SIPA1L2: variants seen among roughly 807,000 people sequenced by gnomAD.
The protein encoded by SIPA1L2 is signal-induced proliferation-associated 1-like protein 2.
Under a neutral mutation model 163.9 loss-of-function variants are expected in SIPA1L2, and 56 were observed. The observed-to-expected ratio is 0.34, with a 90% CI of 0.28 to 0.43. SIPA1L2 has a LOEUF of 0.43. Ranked by LOEUF, SIPA1L2 falls within the 20% of genes least tolerant of loss-of-function variation. SIPA1L2 has a pLI of 1.00. For missense variants in SIPA1L2, 1,974 were observed against 2,193.5 expected, an observed-to-expected ratio of 0.90 and a Z score of 2.00; for synonymous variants, 877 against 865.7, an observed-to-expected ratio of 1.01 and a Z score of -0.23.
At chr1:232,412,307 A>G (rs1218257251) in intron 19 of SIPA1L2, among the ~76,000 whole-genome samples, 2 of 152,218 alleles carry the variant, frequency 1.3e-5, no homozygotes, top group Non-Finnish European at 2.9e-5. Flanking sequence ...ATCTCAATCC[A>G]ATAGGCAGGT....
At chr1:232,554,153 T>A (rs1202929683) in intron 2 of SIPA1L2, among the ~76,000 whole-genome samples, 1 of 152,256 alleles carries the variant, frequency 6.6e-6, no homozygotes, top group Non-Finnish European at 1.5e-5. Context: ...CATTTGGTTT[T>A]AAATTTCTAT....
At chr1:232,466,616 C>T (rs772411583) in intron 8 of SIPA1L2, among the ~76,000 whole-genome samples, 10 of 151,998 alleles carry the variant, frequency 6.6e-5, no homozygotes, top group Non-Finnish European at 1.0e-4. Flanking sequence ...CGGTGAAACC[C>T]CGTCTCTATT....
chr1:232,534,126 C>T (rs1048275817), intron 2 of SIPA1L2, among the ~76,000 whole-genome samples: 2 of 151,950 alleles, frequency 1.3e-5, no homozygotes, highest in African/African-American at 4.8e-5. Flanking sequence ...CTCACATTTT[C>T]TGAATATAAA....
intron 11 of SIPA1L2, among the ~76,000 whole-genome samples, chr1:232,444,937 T>A (rs2102871651): frequency 6.6e-6 from 1 of 152,352 alleles, no homozygotes; most frequent in South Asian, 2.1e-4. Flanking sequence ...AAGAAATTTA[T>A]TATTTTGTTT....
chr1:232,454,127 A>G (rs997106505), intron 10 of SIPA1L2, among the ~76,000 whole-genome samples: 10 of 152,222 alleles, frequency 6.6e-5, no homozygotes, highest in African/African-American at 2.4e-4. Context: ...TGTAAAGGTT[A>G]GGGCAGTGGC....
At chr1:232,587,332 G>A (rs10910562) in intron 1 of SIPA1L2, among the ~76,000 whole-genome samples, 77,186 of 151,858 alleles carry the variant, frequency 0.51, 20,448 homozygotes, top group East Asian at 0.75. Flanking sequence ...ATCACCACAC[G>A]TATGAGGTAT....
At chr1:232,459,401 G>T (rs1368716847) in intron 10 of SIPA1L2, among the ~76,000 whole-genome samples, 1 of 152,132 alleles carries the variant, frequency 6.6e-6, no homozygotes, top group Non-Finnish European at 1.5e-5. Flanking sequence ...AAAGGAGAGA[G>T]TATGACCTAG....
intron 2 of SIPA1L2, among the ~76,000 whole-genome samples, chr1:232,517,241 T>C (rs1259786615): frequency 1.3e-5 from 2 of 152,182 alleles, no homozygotes; most frequent in Admixed American, 6.5e-5. Context: ...ATAAATGCCA[T>C]CCAAATAATG....
chr1:232,455,714 C>CA (rs1359853284), intron 10 of SIPA1L2, among the ~76,000 whole-genome samples: 5,239 of 82,586 alleles, frequency 0.063, 184 homozygotes, highest in Middle Eastern at 0.089. Flanking sequence ...GACTCTGTCT[C>CA]AAAAAAAAAA....
At chr1:232,624,902 A>C (rs1662995857) in intron 1 of SIPA1L2, among the ~76,000 whole-genome samples, 1 of 152,240 alleles carries the variant, frequency 6.6e-6, no homozygotes, top group Non-Finnish European at 1.5e-5. Context: ...AAATAAGCTG[A>C]AGAAAGTCCA....
At chr1:232,598,522 GT>G (rs1661405919) in intron 1 of SIPA1L2, among the ~76,000 whole-genome samples, 1 of 152,202 alleles carries the variant, frequency 6.6e-6, no homozygotes, top group African/African-American at 2.4e-5. Flanking sequence ...GTCTTAGCCT[GT>G]TCAAGCTGCT....
At chr1:232,481,115 G>A (rs536018940) in intron 6 of SIPA1L2, among the ~76,000 whole-genome samples, 28 of 151,800 alleles carry the variant, frequency 1.8e-4, no homozygotes, top group Admixed American at 8.5e-4. Context: ...AATCAGCCCC[G>A]CCAAAAAAAA....
intron 7 of SIPA1L2, among the ~76,000 whole-genome samples, chr1:232,478,963 A>C (rs1311801293): frequency 6.6e-6 from 1 of 152,240 alleles, no homozygotes; most frequent in African/African-American, 2.4e-5. Flanking sequence ...TCAAGCTCAC[A>C]GTAGACAAAG....
intron 3 of SIPA1L2, among the ~76,000 whole-genome samples, chr1:232,511,350 T>C (rs940777888): frequency 6.6e-6 from 1 of 152,194 alleles, no homozygotes; most frequent in East Asian, 1.9e-4. Context: ...TTCAGTCCTA[T>C]TATGTCATCA....
chr1:232,466,230 T>C (rs1664504957), intron 8 of SIPA1L2, among the ~76,000 whole-genome samples: 1 of 152,166 alleles, frequency 6.6e-6, no homozygotes, highest in Non-Finnish European at 1.5e-5. Flanking sequence ...AGAGTGATCA[T>C]ACTTACAAGA....
intron 2 of SIPA1L2, among the ~76,000 whole-genome samples, chr1:232,523,672 A>AGTGGG (rs1427678323): frequency 2.6e-5 from 4 of 152,206 alleles, no homozygotes; most frequent in African/African-American, 4.8e-5. Flanking sequence ...GCTTTAAAAA[A>AGTGGG]AATACAATCC....
intron 5 of SIPA1L2, among the ~76,000 whole-genome samples, chr1:232,485,671 C>T (rs1362790504): frequency 1.3e-5 from 2 of 152,144 alleles, no homozygotes; most frequent in African/African-American, 2.4e-5. Context: ...CACAGATGTT[C>T]GTGACATCTG....
intron 10 of SIPA1L2, among the ~76,000 whole-genome samples, chr1:232,455,942 G>T (rs1026106692): frequency 4.6e-5 from 7 of 152,066 alleles, no homozygotes; most frequent in Non-Finnish European, 1.0e-4. Context: ...AGACACTAGG[G>T]CTTATTGAGG....
chr1:232,609,673 A>G (rs1051367082), intron 1 of SIPA1L2, among the ~76,000 whole-genome samples: 39 of 152,008 alleles, frequency 2.6e-4, no homozygotes, highest in African/African-American at 9.2e-4. Flanking sequence ...TACTAAAAAT[A>G]CAAAAAATTA....
Sources: allele counts gnomAD v4.1 joint callset (sites outside exome capture counted in the v4.1 genomes callset), GRCh38; gene constraint gnomAD v4.1.1; transcripts MANE v1.5; gene names NCBI Gene and HGNC (gene_info 2026-07-23, HGNC 2026-07-21).